Variants in SCAI observed in about 807,000 individuals in gnomAD.
SCAI encodes the protein suppressor of cancer cell invasion, also known as protein SCAI.
SCAI carries 24 observed loss-of-function variants against 92.2 expected under a neutral mutation model. The observed-to-expected ratio is 0.26, with a 90% CI of 0.19 to 0.37. The LOEUF is 0.37. SCAI is among the 10% of genes least tolerant of loss of function. The probability of loss-of-function intolerance (pLI) is 1.00; values close to 1 mark genes in which losing one functional copy is unlikely to be tolerated. For synonymous variants in SCAI, 261 were observed against 258.6 expected, an observed-to-expected ratio of 1.01 and a Z score of -0.09; for missense variants, 450 against 736.2, an observed-to-expected ratio of 0.61 and a Z score of 4.50.
chr9:125,067,650 G>A (rs911053271), intron 2 of SCAI, among the ~76,000 whole-genome samples: 3 of 152,134 alleles, frequency 2.0e-5, no homozygotes, highest in African/African-American at 4.8e-5. Flanking sequence ...ATAAATTTCT[G>A]TTGTTTTAAG....
intron 3 of SCAI, among the ~76,000 whole-genome samples, chr9:125,051,070 T>C (rs1477636820): frequency 2.6e-5 from 4 of 152,202 alleles, no homozygotes; most frequent in African/African-American, 7.2e-5. Flanking sequence ...TCACCCAGGC[T>C]GGAGTGCAGT....
intron 17 of SCAI, among the ~76,000 whole-genome samples, chr9:124,960,727 A>G (rs1831419871): frequency 6.6e-6 from 1 of 152,220 alleles, no homozygotes; most frequent in Non-Finnish European, 1.5e-5. Context: ...TCTTGTACAA[A>G]TTGACAAAGG....
At chr9:124,956,829 T>C (rs1267331617) in intron 17 of SCAI, among the ~76,000 whole-genome samples, 1 of 152,086 alleles carries the variant, frequency 6.6e-6, no homozygotes, top group Non-Finnish European at 1.5e-5. Context: ...AAAGCACTAA[T>C]AACAAGAAAA....
At chr9:124,984,612 C>T (rs1048595451) in intron 14 of SCAI, among the ~76,000 whole-genome samples, 3 of 152,094 alleles carry the variant, frequency 2.0e-5, no homozygotes, top group South Asian at 4.2e-4. Flanking sequence ...GGATTATGGC[C>T]GGGGCAACTA....
At chr9:125,042,634 TACACACACAC>T (rs1554783862) in intron 3 of SCAI, among the ~76,000 whole-genome samples, 20 of 96,192 alleles carry the variant, frequency 2.1e-4, no homozygotes, top group African/African-American at 5.9e-4. Flanking sequence ...TGTGTGTGTG[TACACACACAC>T]ACACACACAC....
chr9:125,143,389 G>A lies in SCAI; in HGVS notation c.49C>T (p.Pro17Ser). 2.9e-6 allele frequency: 4 copies of A among 1,382,312 alleles called. No individual in the cohort carries two copies. The highest frequency in any genetic ancestry group is 1.9e-6 in the Non-Finnish European group (2 of 1,066,534). The allele number at this position is 1,382,312 out of a possible 1,614,324, so 85.6% of individuals were successfully genotyped here. The change falls in exon 1 of 18, where the codon CCC (proline) becomes TCC (serine). Residue 17 changes from proline to serine, a missense_variant. Pro to Ser is a moderately conservative substitution (Grantham distance 74). Coordinates refer to ENST00000336505, the MANE Select transcript of SCAI (RefSeq NM_001144877.3). The part of the protein sequence containing the change: ...QPQQPRSRLA[P>S]RLTGTVEKPP... ...GCCTCCACCCAGCCCCCGCACCTGG[G>A]GGCCAGGCGACTCCGCGGCTGCTGG...
Position 125,082,766 on chromosome 9 carries a change from C to A in SCAI, c.99-26759G>T, listed in dbSNP as rs774769404. ...TTTTGGACTTGCATGGGGCTTGCAG[C>A]CCCTTTGTTTTGGCCAATTTCTCCC... On this transcript the variant is annotated intron_variant, in intron 2 of 17. Transcript: ENST00000336505. 2.0e-4 allele frequency among the ~76,000 whole-genome samples: 30 copies of A among 152,310 alleles called. 1 individual carries two copies. Among genetic ancestry groups the A allele is most frequent in the South Asian group, 8.3e-4 (4 of 4,828 alleles).
intron 13 of SCAI, among the ~76,000 whole-genome samples, chr9:124,999,084 A>AAAAAT (rs1169438381): frequency 6.6e-6 from 1 of 151,976 alleles, no homozygotes; most frequent in South Asian, 2.1e-4. Context: ...TTTCAATTAA[A>AAAAAT]AAAATAAAAT....
chr9:124,952,987 T>A (rs753048857), intron 17 of SCAI, 34 bp from the exon 18 acceptor site: 1 of 1,600,042 alleles, frequency 6.2e-7, no homozygotes, highest in Non-Finnish European at 8.5e-7. Flanking sequence ...TCAAGTTTTG[T>A]AGTCTAATGA....
chr9:125,103,174 T>C (rs1490626807), intron 2 of SCAI, among the ~76,000 whole-genome samples: 1 of 152,208 alleles, frequency 6.6e-6, no homozygotes, highest in Admixed American at 6.5e-5. Context: ...AGAAACTTTC[T>C]GACCCAGTGA....
intron 3 of SCAI, among the ~76,000 whole-genome samples, chr9:125,036,391 C>T (rs1314006349): frequency 6.6e-6 from 1 of 151,796 alleles, no homozygotes; most frequent in Admixed American, 6.6e-5. Context: ...GGCAGGATAT[C>T]AAAGGAGAAT....
At chr9:125,109,545 A>G (rs1834889688) in intron 2 of SCAI, among the ~76,000 whole-genome samples, 1 of 152,164 alleles carries the variant, frequency 6.6e-6, no homozygotes, top group Non-Finnish European at 1.5e-5. Flanking sequence ...ACATACCCTA[A>G]CATATCTTTC....
At chr9:125,139,827 GTAATGAGAGTT>G (rs1230943934) in intron 2 of SCAI, among the ~76,000 whole-genome samples, 13 of 152,166 alleles carry the variant, frequency 8.5e-5, no homozygotes, top group Admixed American at 1.3e-4. Context: ...TGGCAGTGGG[GTAATGAGAGTT>G]AAATGAGAGC....
intron 2 of SCAI, among the ~76,000 whole-genome samples, chr9:125,085,224 T>C (rs1486052943): frequency 1.3e-5 from 2 of 152,340 alleles, no homozygotes; most frequent in East Asian, 1.9e-4. Flanking sequence ...CGGTGGCTTA[T>C]GCCTGTAATC....
intron 15 of SCAI, chr9:124,975,235 A>C: frequency 2.4e-6 from 1 of 423,586 alleles, no homozygotes; most frequent in South Asian, 1.7e-5. Context: ...CCTGTTAAAC[A>C]GCAGAACTTA....
At chr9:125,118,714 C>T (rs142287156) in intron 2 of SCAI, among the ~76,000 whole-genome samples, 4 of 152,222 alleles carry the variant, frequency 2.6e-5, no homozygotes, top group Non-Finnish European at 4.4e-5. Context: ...ACCCCCACCC[C>T]ACATGGCCTC....
At chr9:124,970,209 G>A (rs1831630362) in intron 17 of SCAI, among the ~76,000 whole-genome samples, 1 of 152,086 alleles carries the variant, frequency 6.6e-6, no homozygotes. Context: ...ATTATCAGAA[G>A]AATAAGTGAT....
chr9:125,099,769 T>C (rs761984359), intron 2 of SCAI, among the ~76,000 whole-genome samples: 2 of 152,236 alleles, frequency 1.3e-5, no homozygotes, highest in African/African-American at 2.4e-5. Context: ...TCTAAGTACT[T>C]TGTATAAGTG....
At position 125,018,957 on chromosome 9, in the gene SCAI, GA is replaced by G. The variant is rs1269706693; in HGVS notation, c.709-7del. ...AATACCATTACAGGATCCGCCTAAA[GA>G]AAAAAGCAATAAGAACTTAACGAAT... On this transcript the variant is annotated splice_polypyrimidine_tract_variant and splice_region_variant and intron_variant, in intron 8 of 17. Coordinates refer to ENST00000336505, the MANE Select transcript of SCAI (RefSeq NM_001144877.3). The G allele has an allele frequency of 6.2e-7, 1 of 1,607,928 alleles. No individual in the cohort carries two copies.
Sources: gnomAD v4.1 joint callset for allele counts (sites outside exome capture counted in the v4.1 genomes callset) on GRCh38, gnomAD v4.1.1 for gene constraint, MANE v1.5 for transcripts, NCBI Gene and HGNC (gene_info 2026-07-23, HGNC 2026-07-21) for gene names.